BARX2: variants seen among roughly 807,000 people sequenced by gnomAD.
The protein encoded by BARX2 is BARX homeobox 2, also known as homeobox protein BarH-like 2.
A neutral mutation model predicts 25.5 loss-of-function variants in BARX2; 11 were observed. That is an observed-to-expected ratio of 0.43 (90% CI 0.27 to 0.71). The LOEUF (loss-of-function observed/expected upper bound fraction) is 0.71. Among genes scored for constraint, BARX2 ranks in the 30% least tolerant of loss-of-function variants. BARX2 has a pLI of 0.19. For missense variants in BARX2, 360 were observed against 359.9 expected (o/e 1.00, Z 0.00); for synonymous variants, 137 against 149.5 (o/e 0.92, Z 0.61).
At chr11:129,442,493 GC>G (rs2135415011) in intron 2 of BARX2, among the ~76,000 whole-genome samples, 1 of 152,300 alleles carries the variant, frequency 6.6e-6, no homozygotes, top group Non-Finnish European at 1.5e-5. Flanking sequence ...TGGACGATGG[GC>G]CAGAGGGTCA....
At chr11:129,412,139 G>A (rs1363974620) in intron 1 of BARX2, among the ~76,000 whole-genome samples, 1 of 152,126 alleles carries the variant, frequency 6.6e-6, no homozygotes, top group South Asian at 2.1e-4. Flanking sequence ...GGGCATGGTG[G>A]CGGGCGCCTG....
chr11:129,427,261 G>A (rs1862074416), intron 1 of BARX2, among the ~76,000 whole-genome samples: 1 of 152,188 alleles, frequency 6.6e-6, no homozygotes. Context: ...TTGAAATCAA[G>A]AAAGACTTGG....
At chr11:129,451,063 G>T (rs1443843415) in intron 3 of BARX2, 73 bp from the exon 4 acceptor site, 1 of 1,552,902 alleles carries the variant, frequency 6.4e-7, no homozygotes, top group Non-Finnish European at 8.8e-7. Flanking sequence ...GCAACGTGAG[G>T]TTATACTGGG....
intron 1 of BARX2, among the ~76,000 whole-genome samples, chr11:129,405,111 A>G (rs1450219230): frequency 6.6e-6 from 1 of 152,164 alleles, no homozygotes; most frequent in East Asian, 1.9e-4. Flanking sequence ...GTCCCTTTTA[A>G]TGCTCCAAGG....
At chr11:129,447,823 G>A (rs1862349271) in intron 3 of BARX2, among the ~76,000 whole-genome samples, 1 of 152,096 alleles carries the variant, frequency 6.6e-6, no homozygotes, top group Non-Finnish European at 1.5e-5. Flanking sequence ...ACTACATGGG[G>A]CAACTTACTT....
intron 1 of BARX2, among the ~76,000 whole-genome samples, chr11:129,393,721 G>A (rs543564618): frequency 1.1e-3 from 171 of 152,204 alleles, no homozygotes; most frequent in Non-Finnish European, 1.6e-3. Flanking sequence ...TAAATATTGA[G>A]TAAGGAAAAT....
intron 2 of BARX2, among the ~76,000 whole-genome samples, chr11:129,438,580 A>G (rs982226085): frequency 1.3e-5 from 2 of 152,238 alleles, no homozygotes; most frequent in African/African-American, 4.8e-5. Flanking sequence ...GTGACAGAGG[A>G]GTCTGCATAT....
At chr11:129,430,449 GTCT>G (rs1383481420) in intron 1 of BARX2, among the ~76,000 whole-genome samples, 3 of 152,140 alleles carry the variant, frequency 2.0e-5, no homozygotes, top group Non-Finnish European at 4.4e-5. Context: ...AGTGAGGGGA[GTCT>G]TCTACTTTAT....
chr11:129,401,465 A>G (rs999801173), intron 1 of BARX2, among the ~76,000 whole-genome samples: 4 of 152,236 alleles, frequency 2.6e-5, no homozygotes, highest in South Asian at 2.1e-4. Flanking sequence ...TTAGACTTCA[A>G]TAATTTAATC....
At chr11:129,429,733 A>G (rs557618691) in intron 1 of BARX2, among the ~76,000 whole-genome samples, 1 of 152,300 alleles carries the variant, frequency 6.6e-6, no homozygotes, top group African/African-American at 2.4e-5. Flanking sequence ...CCATGTATAC[A>G]TAATATAACC....
chr11:129,408,818 C>G (rs754231552), intron 1 of BARX2, among the ~76,000 whole-genome samples: 9 of 152,206 alleles, frequency 5.9e-5, no homozygotes, highest in Non-Finnish European at 1.3e-4. Context: ...ATTTTTCTCT[C>G]TCTAGACTGC....
At chr11:129,413,186 A>T (rs1861907043) in intron 1 of BARX2, among the ~76,000 whole-genome samples, 1 of 152,234 alleles carries the variant, frequency 6.6e-6, no homozygotes, top group Non-Finnish European at 1.5e-5. Flanking sequence ...GAATTATCTT[A>T]TTCTCGTAAT....
intron 1 of BARX2, among the ~76,000 whole-genome samples, chr11:129,381,223 G>A (rs4937424): frequency 0.86 from 131,380 of 152,220 alleles, 56,830 homozygotes; most frequent in East Asian, 0.98. Flanking sequence ...ATTTAATTCA[G>A]TAATTTCATG....
At chr11:129,394,536 T>C (rs1471649514) in intron 1 of BARX2, among the ~76,000 whole-genome samples, 1 of 152,162 alleles carries the variant, frequency 6.6e-6, no homozygotes, top group East Asian at 1.9e-4. Context: ...TAAATTTTTT[T>C]CCCCAGAGTT....
intron 2 of BARX2, chr11:129,437,333 C>A: frequency 1.6e-6 from 1 of 629,418 alleles, no homozygotes; most frequent in Non-Finnish European, 2.2e-6. Flanking sequence ...TCCAGTTTAG[C>A]AAATGGTTGC....
At position 129,397,970 on chromosome 11, in the gene BARX2, A is replaced by G. The variant is rs116449570; in HGVS notation, c.187+21748A>G. 6.5e-3 allele frequency among the ~76,000 whole-genome samples: 983 copies of G among 152,354 alleles called. 14 individuals are homozygous for G. Among genetic ancestry groups the G allele is most frequent in the African/African-American group, 0.02 (812 of 41,586 alleles). ...GATGGTTGAGGATCTCATGACCTTC[A>G]GGGTAATTGTTTTTATCACCAATCT... On this transcript the variant is annotated intron_variant, in intron 1 of 3. Transcript: ENST00000281437.
intron 1 of BARX2, among the ~76,000 whole-genome samples, chr11:129,427,295 G>C (rs961759): frequency 6.6e-6 from 1 of 152,166 alleles, no homozygotes; most frequent in African/African-American, 2.4e-5. Flanking sequence ...GTGTGAGTCA[G>C]GAATAGAGGC....
intron 1 of BARX2, among the ~76,000 whole-genome samples, chr11:129,425,085 G>A (rs1434029620): frequency 6.6e-6 from 1 of 152,184 alleles, no homozygotes; most frequent in Non-Finnish European, 1.5e-5. Context: ...GAAAACAGAA[G>A]CTTCGAAATA....
At chr11:129,403,603 G>A (rs1591433772) in intron 1 of BARX2, among the ~76,000 whole-genome samples, 1 of 152,206 alleles carries the variant, frequency 6.6e-6, no homozygotes, top group Admixed American at 6.5e-5. Flanking sequence ...TAGATTTTAT[G>A]TGGAATTTCC....
Sources: allele counts gnomAD v4.1 joint callset (sites outside exome capture counted in the v4.1 genomes callset), GRCh38; gene constraint gnomAD v4.1.1; transcripts MANE v1.5; gene names NCBI Gene and HGNC (gene_info 2026-07-23, HGNC 2026-07-21).